Variants in PLA2G4A observed in about 807,000 individuals in gnomAD.
The protein encoded by PLA2G4A is phospholipase A2 group IVA.
In PLA2G4A, 40 loss-of-function variants were observed where a neutral mutation model predicts 81.9. The observed-to-expected ratio is 0.49, with a 90% CI of 0.38 to 0.64. PLA2G4A has a LOEUF of 0.64. Ranked by LOEUF, PLA2G4A falls within the 30% of genes least tolerant of loss-of-function variation. The probability of loss-of-function intolerance (pLI) is 0.00; values close to 1 mark genes in which losing one functional copy is unlikely to be tolerated. For synonymous variants in PLA2G4A, 302 were observed against 296.9 expected, an observed-to-expected ratio of 1.02 and a Z score of -0.18; for missense variants, 715 against 905.1, an observed-to-expected ratio of 0.79 and a Z score of 2.69.
intron 5 of PLA2G4A, among the ~76,000 whole-genome samples, chr1:186,903,402 A>C (rs1654619037): frequency 6.6e-6 from 1 of 152,188 alleles, no homozygotes; most frequent in South Asian, 2.1e-4. Flanking sequence ...TGCTATATGC[A>C]TCTTTTTTGT....
At chr1:186,846,160 G>A (rs762029729) in intron 1 of PLA2G4A, among the ~76,000 whole-genome samples, 3 of 152,122 alleles carry the variant, frequency 2.0e-5, no homozygotes, top group Admixed American at 2.0e-4. Context: ...TGGTTAGTTG[G>A]ACAGAAATGC....
chr1:186,902,455 G>T (rs184500303), intron 5 of PLA2G4A, among the ~76,000 whole-genome samples: 3 of 151,956 alleles, frequency 2.0e-5, no homozygotes, highest in Non-Finnish European at 4.4e-5. Context: ...CCCCTAGTCC[G>T]GCTCGAAGCA....
In PLA2G4A at chr1:186,927,347, A is replaced by G. The variant is rs148537307; in HGVS notation, c.559-5416A>G. Among the ~76,000 whole-genome samples the G allele has an allele frequency of 2.7e-3, 404 of 152,274 alleles. 2 individuals are homozygous for G. Among genetic ancestry groups the G allele is most frequent in the Non-Finnish European group, 2.4e-3 (164 of 68,014 alleles). On this transcript the variant is annotated intron_variant, in intron 7 of 17. Transcript: ENST00000367466. ...TTGAGCAAGATATATGACTTTGTGT[A>G]TGGGGATTTTTGGTGTGTTTTGATA...
chr1:186,837,187 G>T (rs1181588300), intron 1 of PLA2G4A, among the ~76,000 whole-genome samples: 1 of 152,188 alleles, frequency 6.6e-6, no homozygotes, highest in Non-Finnish European at 1.5e-5. Context: ...TGGAGATCAT[G>T]AATGATCTTG....
intron 7 of PLA2G4A, among the ~76,000 whole-genome samples, chr1:186,925,484 C>T (rs555430799): frequency 1.3e-5 from 2 of 152,190 alleles, no homozygotes; most frequent in African/African-American, 4.8e-5. Flanking sequence ...AATTTCTTTA[C>T]TCCCTCCCAG....
chr1:186,859,835 A>G (rs1652733052), intron 2 of PLA2G4A, among the ~76,000 whole-genome samples: 1 of 152,048 alleles, frequency 6.6e-6, no homozygotes, highest in Non-Finnish European at 1.5e-5. Context: ...CATCTGGAAA[A>G]TAGGGTATGA....
At chr1:186,981,965 G>T (rs1045366620) in intron 17 of PLA2G4A, among the ~76,000 whole-genome samples, 2 of 152,142 alleles carry the variant, frequency 1.3e-5, no homozygotes, top group East Asian at 3.9e-4. Context: ...AATAAATTGT[G>T]ACTATCTGTA....
intron 2 of PLA2G4A, among the ~76,000 whole-genome samples, chr1:186,857,180 G>GTAA (rs1558368089): frequency 1.8e-5 from 1 of 56,238 alleles, no homozygotes; most frequent in Non-Finnish European, 3.3e-5. Context: ...TATATAATAT[G>GTAA]TCTGCCATGT....
intron 15 of PLA2G4A, among the ~76,000 whole-genome samples, chr1:186,976,328 C>T (rs1355100947): frequency 1.3e-5 from 2 of 152,164 alleles, no homozygotes; most frequent in Non-Finnish European, 2.9e-5. Flanking sequence ...CAGGAATTTT[C>T]CTCTCTAATG....
intron 5 of PLA2G4A, among the ~76,000 whole-genome samples, chr1:186,902,887 A>AAAAAAAG (rs1450776720): frequency 6.6e-6 from 1 of 151,872 alleles, no homozygotes; most frequent in Non-Finnish European, 1.5e-5. Flanking sequence ...CTCAAAAAAA[A>AAAAAAAG]AAAAAAGAAA....
intron 1 of PLA2G4A, among the ~76,000 whole-genome samples, chr1:186,845,430 T>G (rs974439983): frequency 6.6e-6 from 1 of 152,126 alleles, no homozygotes; most frequent in Non-Finnish European, 1.5e-5. Flanking sequence ...GGGGCGATTT[T>G]CCCTACGTAC....
chr1:186,971,201 C>T (rs1240586338), intron 15 of PLA2G4A, among the ~76,000 whole-genome samples: 1 of 151,718 alleles, frequency 6.6e-6, no homozygotes, highest in Non-Finnish European at 1.5e-5. Context: ...TTACAGGGCA[C>T]AAGGATATTT....
At chr1:186,954,761 G>T (rs1204090470) in intron 13 of PLA2G4A, among the ~76,000 whole-genome samples, 1 of 151,844 alleles carries the variant, frequency 6.6e-6, no homozygotes, top group Non-Finnish European at 1.5e-5. Flanking sequence ...AGGGTTCCTA[G>T]AAATCAGAAA....
At chr1:186,951,528 G>A (rs908966110) in intron 13 of PLA2G4A, among the ~76,000 whole-genome samples, 1 of 151,836 alleles carries the variant, frequency 6.6e-6, no homozygotes, top group African/African-American at 2.4e-5. Flanking sequence ...TATAAGAACT[G>A]GATATATCTG....
chr1:186,854,816 T>C (rs950539882), intron 2 of PLA2G4A, among the ~76,000 whole-genome samples: 1 of 151,946 alleles, frequency 6.6e-6, no homozygotes. Flanking sequence ...TAGATATGTT[T>C]AAATAAATTC....
intron 3 of PLA2G4A, among the ~76,000 whole-genome samples, chr1:186,877,200 G>A (rs10737272): frequency 0.4 from 61,314 of 151,838 alleles, 15,629 homozygotes; most frequent in East Asian, 0.7. Flanking sequence ...CAGACTACTC[G>A]CGTGTCCTGT....
intron 3 of PLA2G4A, among the ~76,000 whole-genome samples, chr1:186,875,988 T>C (rs542074719): frequency 6.6e-6 from 1 of 152,246 alleles, no homozygotes; most frequent in Non-Finnish European, 1.5e-5. Context: ...AAAAGTTTTT[T>C]TGAATGTTTT....
chr1:186,831,859 A>G (rs1159794749), intron 1 of PLA2G4A, among the ~76,000 whole-genome samples: 1 of 152,158 alleles, frequency 6.6e-6, no homozygotes, highest in African/African-American at 2.4e-5. Flanking sequence ...ATATGTTTCT[A>G]TACATACATG....
chr1:186,849,395 C>G (rs920852725), intron 1 of PLA2G4A, among the ~76,000 whole-genome samples: 1 of 151,844 alleles, frequency 6.6e-6, no homozygotes, highest in African/African-American at 2.4e-5. Context: ...AACAGGCAGA[C>G]CAAATATACT....
Sources: allele counts gnomAD v4.1 joint callset (sites outside exome capture counted in the v4.1 genomes callset), GRCh38; gene constraint gnomAD v4.1.1; transcripts MANE v1.5; gene names NCBI Gene and HGNC (gene_info 2026-07-23, HGNC 2026-07-21).